Variants in RBL1 observed in about 807,000 individuals in gnomAD.
RBL1 encodes the protein RB transcriptional corepressor like 1.
A neutral mutation model predicts 123.0 loss-of-function variants in RBL1; 82 were observed. The observed-to-expected ratio is 0.67, with a 90% CI of 0.56 to 0.80. RBL1 has a LOEUF of 0.80. RBL1 is among the 30% of genes least tolerant of loss of function. RBL1 has a pLI of 0.00. For missense variants in RBL1, 1,171 were observed against 1,299.6 expected, an observed-to-expected ratio of 0.90 and a Z score of 1.52; for synonymous variants, 405 against 441.3, an observed-to-expected ratio of 0.92 and a Z score of 1.03.
At chr20:37,004,779 G>A (rs1181442837) in intron 20 of RBL1, among the ~76,000 whole-genome samples, 1 of 148,448 alleles carries the variant, frequency 6.7e-6, no homozygotes, top group Non-Finnish European at 1.5e-5. Context: ...TATAATCCCA[G>A]CACTTTGGGA....
intron 20 of RBL1, among the ~76,000 whole-genome samples, 198 bp downstream of exon 20, chr20:37,007,213 C>T (rs1207686728): frequency 6.6e-6 from 1 of 152,184 alleles, no homozygotes; most frequent in African/African-American, 2.4e-5. Context: ...CTCGCCACTG[C>T]ACTCTAGCCT....
At chr20:37,022,567 T>A in intron 17 of RBL1, 83 bp downstream of exon 17, 2 of 1,280,088 alleles carry the variant, frequency 1.6e-6, no homozygotes, top group Admixed American at 2.4e-5. Flanking sequence ...GCTCAAGCTA[T>A]CTGCTCACCT....
At chr20:37,067,766 CA>C (rs1168742059) in intron 3 of RBL1, among the ~76,000 whole-genome samples, 31,940 of 64,236 alleles carry the variant, frequency 0.5, 4,078 homozygotes, top group Middle Eastern at 0.6. Context: ...TGAGACTCCT[CA>C]AAAAAAAAAA....
intron 1 of RBL1, among the ~76,000 whole-genome samples, chr20:37,091,646 A>G (rs2065647990): frequency 6.7e-6 from 1 of 149,848 alleles, no homozygotes; most frequent in South Asian, 2.1e-4. Flanking sequence ...AGCAAGGGTG[A>G]AAGAACGAGA....
chr20:37,057,626 C>T (rs2065030380), intron 9 of RBL1, among the ~76,000 whole-genome samples: 1 of 152,096 alleles, frequency 6.6e-6, no homozygotes, highest in South Asian at 2.1e-4. Context: ...ATATGGTTTA[C>T]AATTACTTTT....
intron 2 of RBL1, among the ~76,000 whole-genome samples, chr20:37,070,009 C>T (rs969105660): frequency 2.6e-5 from 4 of 152,130 alleles, no homozygotes; most frequent in African/African-American, 9.7e-5. Flanking sequence ...ATGACAATGG[C>T]GGCTTTGTGG....
At chr20:37,043,162 G>GCACACACACA (rs147834827) in intron 13 of RBL1, among the ~76,000 whole-genome samples, 10,799 of 147,806 alleles carry the variant, frequency 0.073, 475 homozygotes, top group Non-Finnish European at 0.11. Context: ...ATGCGCGCGT[G>GCACACACACA]CACACACACA....
chr20:37,023,777 A>ATTTTT (rs11371156), intron 16 of RBL1, among the ~76,000 whole-genome samples: 5 of 125,510 alleles, frequency 4.0e-5, no homozygotes, highest in African/African-American at 6.1e-5. Flanking sequence ...TATTCAAACT[A>ATTTTT]TTTTTTTTTT....
At chr20:37,030,489 G>C (rs1056423032) in intron 16 of RBL1, among the ~76,000 whole-genome samples, 4 of 152,022 alleles carry the variant, frequency 2.6e-5, no homozygotes, top group Non-Finnish European at 4.4e-5. Context: ...GGAGGCTGAG[G>C]TGGGCAGATC....
chr20:37,089,633 GATCCTGTCTCTTAA>G (rs1167063024), intron 1 of RBL1, among the ~76,000 whole-genome samples: 2 of 149,982 alleles, frequency 1.3e-5, no homozygotes, highest in African/African-American at 2.5e-5. Context: ...AGCTGAGCGA[GATCCTGTCTCTTAA>G]ATCCTGTCTC....
chr20:37,036,594 TAA>T (rs2064615426), intron 14 of RBL1, among the ~76,000 whole-genome samples: 1 of 149,826 alleles, frequency 6.7e-6, no homozygotes, highest in African/African-American at 2.5e-5. Context: ...ATTCACTAGA[TAA>T]TTAGATAGTC....
chr20:37,055,329 A>C (rs969015171), intron 11 of RBL1, among the ~76,000 whole-genome samples: 8 of 151,096 alleles, frequency 5.3e-5, no homozygotes, highest in South Asian at 2.1e-4. Context: ...AAAAAAAAAA[A>C]AACACTTAAA....
intron 17 of RBL1, among the ~76,000 whole-genome samples, chr20:37,021,044 C>A (rs983374811): frequency 1.3e-5 from 2 of 152,176 alleles, no homozygotes; most frequent in Non-Finnish European, 2.9e-5. Context: ...TAATTCCCTG[C>A]AGTCTCCAGT....
At chr20:37,032,634 A>C in intron 16 of RBL1, 31 bp downstream of exon 16, 1 of 1,607,770 alleles carries the variant, frequency 6.2e-7, no homozygotes. Context: ...TGATTAAACA[A>C]ATTCTTCTAA....
chr20:37,007,291 T>C, intron 20 of RBL1, 120 bp downstream of exon 20: 1 of 1,039,230 alleles, frequency 9.6e-7, no homozygotes. Flanking sequence ...ATTAAGTTAC[T>C]GGACATGCTC....
Position 37,007,522 on chromosome 20 carries a change from A to G in RBL1, c.2760T>C (p.Ser920=). Residue 920 remains serine, a synonymous_variant, in exon 20 of 22, where the codon AGT becomes AGC. Coordinates refer to ENST00000373664, the MANE Select transcript of RBL1 (RefSeq NM_002895.5). The part of the protein sequence containing the change: ...EDATKTPDCS[S]GPVKEERGDL... ...CACCTCTTTCCTCTTTCACTGGTCC[A>G]CTGGAACAGTCAGGTGTTTTTGTAG... is the stretch of plus-strand genomic sequence containing the variant. The G allele has an allele frequency of 6.2e-7, 1 of 1,613,982 alleles. No homozygotes were observed. Among genetic ancestry groups the G allele is most frequent in the Non-Finnish European group, 8.5e-7 (1 of 1,179,940 alleles).
intron 1 of RBL1, 60 bp downstream of exon 1, chr20:37,095,713 C>CGGGGCAGGGGT: frequency 7.0e-7 from 1 of 1,430,124 alleles, no homozygotes; most frequent in Non-Finnish European, 9.4e-7. Flanking sequence ...GAGGAAGGGG[C>CGGGGCAGGGGT]GGGGCAGGGG....
intron 2 of RBL1, among the ~76,000 whole-genome samples, chr20:37,069,357 G>T (rs1022188802): frequency 2.0e-5 from 3 of 148,650 alleles, no homozygotes; most frequent in African/African-American, 7.6e-5. Context: ...AGTGAGGAGC[G>T]TCTCCGCCCG....
chr20:37,040,414 C>A, intron 13 of RBL1, 129 bp from the exon 14 acceptor site: 5 of 1,355,134 alleles, frequency 3.7e-6, no homozygotes, highest in Non-Finnish European at 4.8e-6. Flanking sequence ...TGCAGTGGCA[C>A]GATTTCAGCT....
Sources: allele counts gnomAD v4.1 joint callset (sites outside exome capture counted in the v4.1 genomes callset), GRCh38; gene constraint gnomAD v4.1.1; transcripts MANE v1.5; gene names NCBI Gene and HGNC (gene_info 2026-07-23, HGNC 2026-07-21).